The following OTOF variants were observed in gnomAD, a reference collection of about 807,000 sequenced individuals.
OTOF encodes otoferlin.
In OTOF, 218 loss-of-function variants were observed where a neutral mutation model predicts 236.8. The ratio of observed to expected loss-of-function variants is 0.92; its 90% CI spans 0.82 to 1.03. OTOF has a LOEUF of 1.03. Ranked by LOEUF, OTOF falls within the 50% of genes least tolerant of loss-of-function variation. The pLI is 0.00. For missense variants in OTOF, 2,590 were observed against 2,694.4 expected (o/e 0.96, Z 0.86); for synonymous variants, 1,041 against 1,072.5 (o/e 0.97, Z 0.57).
chr2:26,467,859 C>G (rs978846742), intron 33 of OTOF, among the ~76,000 whole-genome samples: 4 of 152,212 alleles, frequency 2.6e-5, no homozygotes, highest in African/African-American at 9.6e-5. Context: ...TAGCATTTCC[C>G]AAACCTCATT....
At position 26,537,785 on chromosome 2, in the gene OTOF, A is replaced by G; in HGVS notation, c.80-11T>C. On this transcript the variant is annotated splice_polypyrimidine_tract_variant and intron_variant, in intron 1 of 46. Transcript: ENST00000272371. The stretch of plus-strand genomic sequence containing the variant: ...AGTAGAAGGATTGCCCTGTGGGGAA[A>G]GAGGAAATAAATTCTAGGGTCAGAG... 6.5e-7 allele frequency: 1 copy of G among 1,549,228 alleles called. No homozygotes were observed. The highest frequency in any genetic ancestry group is 8.7e-7 in the Non-Finnish European group (1 of 1,144,354).
intron 33 of OTOF, among the ~76,000 whole-genome samples, 192 bp from the exon 34 acceptor site, chr2:26,467,693 G>A (rs567701796): frequency 4.6e-5 from 7 of 152,324 alleles, no homozygotes; most frequent in South Asian, 4.1e-4. Flanking sequence ...GTTTATGCCC[G>A]GGAAGGTGTC....
At chr2:26,458,393 A>G (rs1017483242) in intron 46 of OTOF, among the ~76,000 whole-genome samples, 173 bp from the exon 47 acceptor site, 1 of 152,210 alleles carries the variant, frequency 6.6e-6, no homozygotes, top group South Asian at 2.1e-4. Context: ...CTTGCTGCTT[A>G]CAAAACTCTA....
At chr2:26,539,395 T>C (rs1468178343) in intron 1 of OTOF, among the ~76,000 whole-genome samples, 1 of 152,182 alleles carries the variant, frequency 6.6e-6, no homozygotes, top group Non-Finnish European at 1.5e-5. Context: ...ACCCAAACTA[T>C]ATGCATATAT....
At chr2:26,503,750 G>C (rs746392280) in intron 6 of OTOF, 22 bp downstream of exon 6, 1 of 1,605,386 alleles carries the variant, frequency 6.2e-7, no homozygotes, top group Admixed American at 1.7e-5. Context: ...GGGCTGCGGG[G>C]CTCACGCGGC....
chr2:26,458,992 C>T (rs1218299652), intron 46 of OTOF, among the ~76,000 whole-genome samples: 1 of 152,222 alleles, frequency 6.6e-6, no homozygotes, highest in Non-Finnish European at 1.5e-5. Context: ...AATGGGGTTA[C>T]AAGCAGTACC....
intron 9 of OTOF, among the ~76,000 whole-genome samples, chr2:26,490,201 G>A (rs1290556682): frequency 6.6e-6 from 1 of 152,202 alleles, no homozygotes; most frequent in Non-Finnish European, 1.5e-5. Context: ...ATGAGACAGT[G>A]TAACATATTT....
chr2:26,519,265 G>C (rs1377604706), intron 3 of OTOF, among the ~76,000 whole-genome samples, 156 bp from the exon 4 acceptor site: 1 of 152,212 alleles, frequency 6.6e-6, no homozygotes, highest in East Asian at 1.9e-4. Context: ...AGCCAGGACT[G>C]GTTGCAGCCA....
chr2:26,460,275 C>A lies in OTOF; in HGVS notation c.5814-70G>T. On this transcript the variant is annotated intron_variant, in intron 45 of 46. Coordinates refer to ENST00000272371, the MANE Select transcript of OTOF (RefSeq NM_194248.3). This position sits in a 1 kb window ranked among gnomAD's most constrained non-coding sequence, Gnocchi z 5.3. ...GAAGGGATTGGGTGTGGCGAGGGGCCAAGACCAAGAGGGAAGCTGTCCTGG... is the reference window on the plus strand; with the variant it reads ...GAAGGGATTGGGTGTGGCGAGGGGCAAAGACCAAGAGGGAAGCTGTCCTGG... The A allele has an allele frequency of 7.8e-7, 1 of 1,277,770 alleles. No individual in the cohort carries two copies. The highest frequency in any genetic ancestry group is 1.1e-6 in the Non-Finnish European group (1 of 898,222). The allele number at this position is 1,277,770 out of a possible 1,614,324, so 79.2% of individuals were successfully genotyped here.
Position 26,482,529 on chromosome 2 carries a change from C to A in OTOF, c.1456G>T (p.Asp486Tyr). 6.2e-7 allele frequency: 1 copy of A among 1,613,394 alleles called. No individual in the cohort carries two copies. Among genetic ancestry groups the A allele is most frequent in the Non-Finnish European group, 8.5e-7 (1 of 1,180,002 alleles). Reference sequence around the variant, plus strand: ...CGTTTGCAGAGTGGGGGGAAGAGGTCTGTAAAGACGACCTGCTCATTCCAC... The same window carrying A: ...CGTTTGCAGAGTGGGGGGAAGAGGTATGTAAAGACGACCTGCTCATTCCAC... ...PLWNEQVVFT[D>Y]LFPPLCKRMK... Residue 486 changes from aspartate to tyrosine, a missense_variant, in exon 14 of 47, where the codon GAC (aspartate) becomes TAC (tyrosine). Physicochemically the swap from Asp to Tyr is radical, Grantham distance 160 (BLOSUM62 -3). Coordinates refer to ENST00000272371, the MANE Select transcript of OTOF (RefSeq NM_194248.3).
intron 22 of OTOF, among the ~76,000 whole-genome samples, 158 bp downstream of exon 22, chr2:26,476,709 CCCCCACCCCTTCCCCCACCTCCTT>C (rs1266671588): frequency 1.2e-4 from 5 of 40,894 alleles, no homozygotes; most frequent in African/African-American, 8.9e-4. Context: ...CCCACCCCTT[CCCCCACCCCTTCCCCCACCTCCTT>C]CCCCACCCCT....
chr2:26,542,715 C>T (rs1309161662), intron 1 of OTOF, among the ~76,000 whole-genome samples: 3 of 152,122 alleles, frequency 2.0e-5, no homozygotes, highest in South Asian at 2.1e-4. Flanking sequence ...AGGGGAGTCC[C>T]GATGGTGAAG....
chr2:26,482,980 C>A (rs1290633444), intron 13 of OTOF, among the ~76,000 whole-genome samples: 1 of 93,030 alleles, frequency 1.1e-5, no homozygotes. Flanking sequence ...GGTATGCGTG[C>A]GTGTGTGAGT....
At chr2:26,489,896 C>T (rs976517349) in intron 9 of OTOF, among the ~76,000 whole-genome samples, 156 bp from the exon 10 acceptor site, 1 of 152,198 alleles carries the variant, frequency 6.6e-6, no homozygotes, top group African/African-American at 2.4e-5. Flanking sequence ...CTCATCTGAT[C>T]CTGATTGACC....
rs1664694050 is a variant in OTOF at position 26,465,726 on chromosome 2, T to A, written c.4745A>T (p.Asn1582Ile). 6.2e-7 allele frequency: 1 copy of A among 1,614,122 alleles called. No homozygotes were observed. Residue 1582 changes from asparagine (N) to isoleucine (I), a missense_variant, in exon 38 of 47, where the codon AAC becomes ATC. Transcript: ENST00000272371. ...GGCGCGGTGCTTGCTGTAGAAGCGGTTCTCCAGGTCGATCTTGGTTTCCCC... is the reference window on the plus strand; with the variant it reads ...GGCGCGGTGCTTGCTGTAGAAGCGGATCTCCAGGTCGATCTTGGTTTCCCC... ...LIGETKIDLE[N>I]RFYSKHRATC...
At chr2:26,537,457 G>A (rs1667098924) in intron 2 of OTOF, among the ~76,000 whole-genome samples, 1 of 152,206 alleles carries the variant, frequency 6.6e-6, no homozygotes, top group African/African-American at 2.4e-5. Context: ...CAGGGCCGTC[G>A]AGGTGGGCGA....
At chr2:26,459,309 T>C (rs1467287046) in intron 46 of OTOF, among the ~76,000 whole-genome samples, 1 of 151,974 alleles carries the variant, frequency 6.6e-6, no homozygotes, top group African/African-American at 2.4e-5. Flanking sequence ...TCCCAGCACT[T>C]TGGGAGGCCG....
At chr2:26,489,479 G>C (rs144090653) in intron 10 of OTOF, among the ~76,000 whole-genome samples, 184 bp from the exon 11 acceptor site, 1 of 152,222 alleles carries the variant, frequency 6.6e-6, no homozygotes, top group Non-Finnish European at 1.5e-5. Context: ...GTTTACGGGC[G>C]AATGCACTAT....
chr2:26,467,648 T>C (rs1664795561), intron 33 of OTOF, 147 bp from the exon 34 acceptor site: 2 of 1,069,684 alleles, frequency 1.9e-6, no homozygotes, highest in South Asian at 1.4e-5. Context: ...CTCCCTAGCA[T>C]GCCCGCCTCA....
Sources: allele counts gnomAD v4.1 joint callset (sites outside exome capture counted in the v4.1 genomes callset), GRCh38; gene constraint gnomAD v4.1.1; non-coding constraint Gnocchi (gnomAD v3.1); transcripts MANE v1.5; gene names NCBI Gene and HGNC (gene_info 2026-07-23, HGNC 2026-07-21).